The following TLE3 variants were observed in gnomAD, a reference collection of about 807,000 sequenced individuals.
TLE3 encodes the protein TLE family member 3, transcriptional corepressor, also known as transducin-like enhancer protein 3.
A neutral mutation model predicts 93.0 loss-of-function variants in TLE3; 14 were observed. That is an observed-to-expected ratio of 0.15 (90% CI 0.10 to 0.24). The LOEUF (loss-of-function observed/expected upper bound fraction) is 0.24. Among genes scored for constraint, TLE3 ranks in the 10% least tolerant of loss-of-function variants. The pLI is 1.00. For synonymous variants in TLE3, 451 were observed against 425.0 expected (o/e 1.06, Z -0.75); for missense variants, 693 against 1,046.6 (o/e 0.66, Z 4.66).
Position 70,064,434 on chromosome 15 carries a change from T to A in TLE3, c.594+20A>T, listed in dbSNP as rs1226235111. 1 of 1,613,612 alleles carries A rather than the reference T, an allele frequency of 6.2e-7. No individual in the cohort carries two copies. Among genetic ancestry groups the A allele is most frequent in the South Asian group, 1.1e-5 (1 of 91,012 alleles). ...CCAGCACCCAAACACCCCTCCGGGT[T>A]CCAGAGTGCCAACACTTACCGCACT... On this transcript the variant is annotated intron_variant, in intron 8 of 19. Coordinates refer to ENST00000451782, the MANE Select transcript of TLE3 (RefSeq NM_001105192.3).
At chr15:70,056,020 T>G in intron 14 of TLE3, 3 of 525,122 alleles carry the variant, frequency 5.7e-6, no homozygotes, top group East Asian at 3.4e-5. Flanking sequence ...CGGTGAGGAG[T>G]GTTCCTTCTC....
intron 4 of TLE3, among the ~76,000 whole-genome samples, chr15:70,091,019 G>A (rs1275290874): frequency 1.3e-5 from 2 of 152,240 alleles, no homozygotes; most frequent in East Asian, 1.9e-4. Flanking sequence ...AGAGTCCTGG[G>A]TTGGAAGGGA....
intron 4 of TLE3, among the ~76,000 whole-genome samples, chr15:70,090,807 C>G (rs1044146388): frequency 6.6e-6 from 1 of 152,168 alleles, no homozygotes; most frequent in Non-Finnish European, 1.5e-5. Flanking sequence ...GTGCAAATAG[C>G]TGGCAATTCA....
chr15:70,085,035 C>T (rs544573915), intron 4 of TLE3, among the ~76,000 whole-genome samples: 134 of 152,316 alleles, frequency 8.8e-4, no homozygotes, highest in African/African-American at 3.1e-3. Context: ...GTTCCTCAGT[C>T]GCAGTAGCCA....
intron 17 of TLE3, 186 bp downstream of exon 17, chr15:70,053,041 A>C: frequency 5.8e-6 from 4 of 689,360 alleles, no homozygotes; most frequent in Non-Finnish European, 9.3e-6. Context: ...GTCCAACCCC[A>C]AGGTCATCTC....
At chr15:70,065,863 T>C in intron 7 of TLE3, 151 bp downstream of exon 7, 1 of 821,272 alleles carries the variant, frequency 1.2e-6, no homozygotes, top group Non-Finnish European at 1.9e-6. Context: ...GGCATTGGCT[T>C]CCCTGCACCA....
At chr15:70,092,766 C>T (rs903225266) in intron 4 of TLE3, among the ~76,000 whole-genome samples, 12 of 152,220 alleles carry the variant, frequency 7.9e-5, no homozygotes, top group East Asian at 1.9e-4. Context: ...AGATCTGCTG[C>T]GAGCCAAGGT....
intron 4 of TLE3, among the ~76,000 whole-genome samples, chr15:70,079,936 T>C (rs1256364648): frequency 6.6e-6 from 1 of 151,890 alleles, no homozygotes; most frequent in East Asian, 1.9e-4. Context: ...CAAGAGAGCT[T>C]AGAGAAATAT....
chr15:70,059,060 G>C (rs1010556633), intron 10 of TLE3, among the ~76,000 whole-genome samples: 1 of 152,212 alleles, frequency 6.6e-6, no homozygotes, highest in African/African-American at 2.4e-5. Context: ...GCATGGCTGG[G>C]TTTGGCCAAA....
chr15:70,076,208 C>G (rs774017013), intron 4 of TLE3, 50 bp from the exon 5 acceptor site: 2 of 1,582,844 alleles, frequency 1.3e-6, no homozygotes, highest in African/African-American at 2.7e-5. Flanking sequence ...AATCAAGTCA[C>G]TGAAATGTCA....
intron 4 of TLE3, among the ~76,000 whole-genome samples, chr15:70,086,208 C>T (rs1230959287): frequency 2.0e-5 from 3 of 152,200 alleles, no homozygotes; most frequent in Non-Finnish European, 4.4e-5. Flanking sequence ...TCACCCCCAC[C>T]AGAGAGCTAG....
intron 4 of TLE3, among the ~76,000 whole-genome samples, chr15:70,076,612 C>T (rs1595950604): frequency 2.0e-5 from 3 of 152,168 alleles, no homozygotes; most frequent in African/African-American, 7.2e-5. Context: ...AGCTGATAAG[C>T]GGTCCTATGT....
intron 4 of TLE3, among the ~76,000 whole-genome samples, chr15:70,091,515 G>A (rs2058306623): frequency 6.6e-6 from 1 of 152,198 alleles, no homozygotes; most frequent in African/African-American, 2.4e-5. Context: ...CTGGAAGCAG[G>A]GGGCTTGGTG....
In TLE3 at chr15:70,096,848, G is replaced by A. The variant is rs2058591481; in HGVS notation, c.-50C>T. On this transcript the variant is annotated 5_prime_UTR_variant, in exon 1 of 20. Coordinates refer to ENST00000451782, the MANE Select transcript of TLE3 (RefSeq NM_001105192.3). ...GAGCGTGGAAGCGCCGAGAGCCCGG[G>A]CCGGGGAGGTGCGGGGGAGGGGGGA... is the stretch of plus-strand genomic sequence containing the variant. 6.2e-7 allele frequency: 1 copy of A among 1,602,900 alleles called. No homozygotes were observed. The highest frequency in any genetic ancestry group is 1.3e-5 in the African/African-American group (1 of 74,596).
Position 70,048,377 on chromosome 15 carries a change from C to A in TLE3, c.*1720G>T, listed in dbSNP as rs369705429. 6.6e-6 allele frequency: 1 copy of A among 152,168 alleles called. No homozygotes were observed. Among genetic ancestry groups the A allele is most frequent in the Non-Finnish European group, 1.5e-5 (1 of 68,048 alleles). The allele number at this position is 152,168 out of a possible 1,614,324, so 9.4% of individuals were successfully genotyped here. The stretch of plus-strand genomic sequence containing the variant: ...CCAGAGAGACTCTGGACGCCCCACG[C>A]GCCCAGCCTTGGAGAGGCACAGGGT... On this transcript the variant is annotated 3_prime_UTR_variant, in exon 20 of 20. Coordinates refer to ENST00000451782, the MANE Select transcript of TLE3 (RefSeq NM_001105192.3).
chr15:70,095,876 T>C (rs746368185), intron 2 of TLE3: 108 of 626,128 alleles, frequency 1.7e-4, no homozygotes, highest in Non-Finnish European at 2.8e-4. Context: ...AGCAGGGGAG[T>C]AGGACCCTGA....
At chr15:70,088,399 ATTATT>A (rs1489078102) in intron 4 of TLE3, among the ~76,000 whole-genome samples, 4 of 152,252 alleles carry the variant, frequency 2.6e-5, no homozygotes, top group African/African-American at 9.6e-5. Flanking sequence ...GAAGGGAACA[ATTATT>A]TTATAAAGAA....
intron 5 of TLE3, among the ~76,000 whole-genome samples, chr15:70,075,226 T>C (rs759757968): frequency 6.6e-6 from 1 of 152,222 alleles, no homozygotes; most frequent in African/African-American, 2.4e-5. Flanking sequence ...TCAATGTAGA[T>C]TCATCAGTTT....
intron 4 of TLE3, among the ~76,000 whole-genome samples, chr15:70,087,784 G>A (rs924771147): frequency 6.6e-6 from 1 of 152,234 alleles, no homozygotes; most frequent in Non-Finnish European, 1.5e-5. Context: ...TTTGGTGACA[G>A]AGAGGCAAAG....
Sources: allele counts gnomAD v4.1 joint callset (sites outside exome capture counted in the v4.1 genomes callset), GRCh38; gene constraint gnomAD v4.1.1; transcripts MANE v1.5; gene names NCBI Gene and HGNC (gene_info 2026-07-23, HGNC 2026-07-21).